Variants in GLIS3 observed in about 807,000 individuals in gnomAD.
GLIS3 encodes the protein zinc finger protein GLIS3.
GLIS3 carries 53 observed loss-of-function variants against 78.6 expected under a neutral mutation model. The ratio of observed to expected loss-of-function variants is 0.67; its 90% CI spans 0.54 to 0.85. The LOEUF is 0.85. Among genes scored for constraint, GLIS3 ranks in the 40% least tolerant of loss-of-function variants. GLIS3 has a pLI of 0.00. For missense variants in GLIS3, 1,703 were observed against 1,231.1 expected (o/e 1.38, Z -5.74); for synonymous variants, 684 against 509.9 (o/e 1.34, Z -4.60).
intron 6 of GLIS3, among the ~76,000 whole-genome samples, chr9:3,906,640 C>T (rs1823721318): frequency 6.6e-6 from 1 of 152,150 alleles, no homozygotes; most frequent in Admixed American, 6.6e-5. Context: ...TGGGGCCGGA[C>T]CACGAATACC....
the GLIS3 span, among the ~76,000 whole-genome samples, chr9:4,480,695 G>A: frequency 6.6e-6 from 1 of 151,734 alleles, no homozygotes; most frequent in Non-Finnish European, 1.5e-5. Context: ...ATGTGCTCAG[G>A]AAGGCAAAAA....
At chr9:4,483,382 C>T in the GLIS3 span, among the ~76,000 whole-genome samples, 41 of 152,122 alleles carry the variant, frequency 2.7e-4, 1 homozygote, top group Non-Finnish European at 2.9e-5. Context: ...ACATGTAACT[C>T]GGCTAGTTTT....
the GLIS3 span, among the ~76,000 whole-genome samples, chr9:4,404,859 A>G: frequency 6.6e-6 from 1 of 152,176 alleles, no homozygotes; most frequent in African/African-American, 2.4e-5. Context: ...AAAAGAAATA[A>G]TAATGAAGAT....
chr9:4,207,006 G>A (rs1057427764), intron 2 of GLIS3, among the ~76,000 whole-genome samples: 1 of 152,162 alleles, frequency 6.6e-6, no homozygotes, highest in Non-Finnish European at 1.5e-5. Context: ...AGCCAGAGGG[G>A]ATGGAAGCCA....
At chr9:3,972,558 T>G (rs1818457248) in intron 4 of GLIS3, among the ~76,000 whole-genome samples, 1 of 152,126 alleles carries the variant, frequency 6.6e-6, no homozygotes, top group Non-Finnish European at 1.5e-5. Context: ...CAAAAAGGGT[T>G]TTTTTTGTTT....
At chr9:4,028,279 G>C (rs951564116) in intron 4 of GLIS3, among the ~76,000 whole-genome samples, 1 of 152,128 alleles carries the variant, frequency 6.6e-6, no homozygotes, top group African/African-American at 2.4e-5. Flanking sequence ...CTGCTGTGAA[G>C]ATCAAATGAG....
chr9:4,398,109 G>T, the GLIS3 span, among the ~76,000 whole-genome samples: 2 of 151,920 alleles, frequency 1.3e-5, no homozygotes, highest in Non-Finnish European at 2.9e-5. Context: ...TGCATGCTTT[G>T]GTGAGTCATC....
intron 2 of GLIS3, among the ~76,000 whole-genome samples, chr9:4,134,873 C>A (rs1287973204): frequency 4.6e-5 from 7 of 152,256 alleles, no homozygotes; most frequent in African/African-American, 1.2e-4. Flanking sequence ...AGACAGAGTT[C>A]TTTGCCACAC....
chr9:3,901,423 G>C (rs1289931474), intron 6 of GLIS3, among the ~76,000 whole-genome samples: 4 of 152,194 alleles, frequency 2.6e-5, no homozygotes, highest in Non-Finnish European at 5.9e-5. Context: ...ATCGGTCATA[G>C]TGAAGTATTT....
Position 4,347,770 on chromosome 9 carries a change from T to C in GLIS3, n.161+462A>G, listed in dbSNP as rs182553583. Among the ~76,000 whole-genome samples the C allele has an allele frequency of 4.7e-3, 719 of 152,252 alleles. 4 individuals are homozygous for C. Among genetic ancestry groups the C allele is most frequent in the African/African-American group, 0.016 (651 of 41,530 alleles). ...GGTGGGGGTTGGGGGAGTCTATCGCTTTACAATTTAATTCAGATGAAAATC... is the reference window on the plus strand; with the variant it reads ...GGTGGGGGTTGGGGGAGTCTATCGCCTTACAATTTAATTCAGATGAAAATC... On this transcript the variant is annotated intron_variant and non_coding_transcript_variant, in intron 1 of 4. Coordinates refer to the GLIS3 transcript ENST00000471664.
intron 4 of GLIS3, among the ~76,000 whole-genome samples, chr9:4,078,617 C>T (rs1381172634): frequency 6.6e-6 from 1 of 152,182 alleles, no homozygotes; most frequent in Non-Finnish European, 1.5e-5. Flanking sequence ...GCCAGCCAGG[C>T]AGGGTAAAGC....
At chr9:4,301,956 C>T (rs1161021386), upstream of GLIS3, among the ~76,000 whole-genome samples, 2 of 151,480 alleles carry the variant, frequency 1.3e-5, no homozygotes, top group African/African-American at 4.8e-5. Flanking sequence ...AAATATTTAC[C>T]ACTGAAGAGG....
At chr9:4,294,116 A>T (rs1021703897) in intron 1 of GLIS3, among the ~76,000 whole-genome samples, 5 of 152,172 alleles carry the variant, frequency 3.3e-5, no homozygotes, top group African/African-American at 1.2e-4. Flanking sequence ...AGCCCACCCC[A>T]AACACCCACT....
At chr9:3,838,438 T>C (rs952185807) in intron 9 of GLIS3, among the ~76,000 whole-genome samples, 4 of 152,120 alleles carry the variant, frequency 2.6e-5, no homozygotes, top group African/African-American at 9.7e-5. Context: ...CACTTAGCCT[T>C]GGAGTGCAAA....
intron 2 of GLIS3, among the ~76,000 whole-genome samples, chr9:4,193,880 T>C (rs1227369636): frequency 6.6e-6 from 1 of 152,236 alleles, no homozygotes; most frequent in Non-Finnish European, 1.5e-5. Context: ...AATATGGACT[T>C]TGTTTCCCTG....
chr9:4,126,872 A>C (rs775535906), intron 2 of GLIS3, among the ~76,000 whole-genome samples: 1 of 152,198 alleles, frequency 6.6e-6, no homozygotes, highest in Non-Finnish European at 1.5e-5. Flanking sequence ...TCAATCTTTA[A>C]CAAATTAAGC....
intron 2 of GLIS3, among the ~76,000 whole-genome samples, chr9:4,334,904 C>CTT (rs56017714): frequency 0.029 from 3,133 of 106,994 alleles, 177 homozygotes; most frequent in African/African-American, 0.088. Flanking sequence ...TCATTTCCAC[C>CTT]TTTTTTTTTT....
chr9:4,304,259 A>G (rs1478030345), upstream of GLIS3, among the ~76,000 whole-genome samples: 2 of 152,256 alleles, frequency 1.3e-5, no homozygotes, highest in Non-Finnish European at 2.9e-5. Context: ...GCGTCTTGTT[A>G]TCAATGTCAG....
At position 4,104,328 on chromosome 9, in the gene GLIS3, C is replaced by T. The variant is rs150580699; in HGVS notation, c.1710+13440G>A. On this transcript the variant is annotated intron_variant, in intron 4 of 10. Transcript: ENST00000381971. ...CATGAACCAAACCTTAAAGTTACCT[C>T]TGACACTTCTGTCTCTATACCTCAT... Among the ~76,000 whole-genome samples the T allele has an allele frequency of 2.0e-4, 30 of 152,240 alleles. No homozygotes were observed. The East Asian group carries it at 5.6e-3, about 28-fold the overall frequency.
Sources: allele counts gnomAD v4.1 joint callset (sites outside exome capture counted in the v4.1 genomes callset), GRCh38; gene constraint gnomAD v4.1.1; transcripts MANE v1.5; gene names NCBI Gene and HGNC (gene_info 2026-07-23, HGNC 2026-07-21).